Variants in STRAP observed in about 807,000 individuals in gnomAD.
The protein encoded by STRAP is serine-threonine kinase receptor-associated protein.
A neutral mutation model predicts 47.0 loss-of-function variants in STRAP; 16 were observed. That is an observed-to-expected ratio of 0.34 (90% CI 0.23 to 0.52). The LOEUF is 0.52. Ranked by LOEUF, STRAP falls within the 20% of genes least tolerant of loss-of-function variation. The probability of loss-of-function intolerance (pLI) is 0.96; values close to 1 mark genes in which losing one functional copy is unlikely to be tolerated. For missense variants in STRAP, 293 were observed against 420.0 expected (o/e 0.70, Z 2.64); for synonymous variants, 130 against 142.7 (o/e 0.91, Z 0.63).
At chr12:15,883,774 C>CA (rs1358510965) in intron 2 of STRAP, 98 bp downstream of exon 2, 12 of 1,464,646 alleles carry the variant, frequency 8.2e-6, no homozygotes, top group Non-Finnish European at 1.1e-5. Flanking sequence ...AATTCTGACT[C>CA]ACTGGCTGCC....
chr12:15,882,727 C>G lies in STRAP; in HGVS notation c.20C>G (p.Pro7Arg). ...GCCGCCATGGCAATGAGACAGACGCCGCTCACCTGCTCTGGCCACACGCGA... is the reference window on the plus strand; with the variant it reads ...GCCGCCATGGCAATGAGACAGACGCGGCTCACCTGCTCTGGCCACACGCGA... MAMRQT[P>R]LTCSGHTRPV... is the part of the protein sequence containing the mutation. Residue 7 changes from proline to arginine, a missense_variant, in exon 1 of 10, where the codon CCG becomes CGG. Transcript: ENST00000419869. 6.2e-7 allele frequency: 1 copy of G among 1,612,264 alleles called. No homozygotes were observed. The highest frequency in any genetic ancestry group is 8.5e-7 in the Non-Finnish European group (1 of 1,179,718).
rs902903501 is a variant in STRAP, at chr12:15,894,143, G to A, written c.500G>A (p.Arg167Gln). ...QILSADDKTV[R>Q]LWDHATMTEV... is the part of the protein sequence containing the mutation. ...CTTTCTGCTGATGACAAAACTGTTCGGTAAGTAATTTTTCTTTAATAATTT... is the reference window on the plus strand; with the variant it reads ...CTTTCTGCTGATGACAAAACTGTTCAGTAAGTAATTTTTCTTTAATAATTT... The change falls in exon 5 of 10, where the codon CGA (arginine) becomes CAA (glutamine). Residue 167 changes from arginine to glutamine, a missense_variant and splice_region_variant. Arg to Gln is a conservative substitution (Grantham distance 43, BLOSUM62 1). This residue lies in a region of STRAP where 152 missense variants were observed against 183.0 expected (regional missense o/e 0.83). Transcript: ENST00000419869. The surrounding 1 kb of genome is among the most constrained non-coding windows in gnomAD (Gnocchi z 4.9). The A allele has an allele frequency of 3.1e-6, 5 of 1,610,388 alleles. No homozygotes were observed. Among genetic ancestry groups the A allele is most frequent in the African/African-American group, 1.3e-5 (1 of 74,778 alleles).
chr12:15,883,786 T>G, intron 2 of STRAP, 110 bp downstream of exon 2: 2 of 1,387,272 alleles, frequency 1.4e-6, no homozygotes, highest in African/African-American at 1.4e-5. Flanking sequence ...CTGGCTGCCA[T>G]ACAGAACGCA....
Position 15,902,921 on chromosome 12 carries a change from A to C in STRAP, c.996A>C (p.Glu332Asp). The change falls in exon 10 of 10, where the codon GAA (glutamate) becomes GAC (aspartate). Residue 332 changes from glutamate to aspartate, a missense_variant. Physicochemically the swap from Glu to Asp is conservative, Grantham distance 45. This residue lies in a region of STRAP where 52 missense variants were observed against 45.0 expected (regional missense o/e 1.16). Coordinates refer to ENST00000419869, the MANE Select transcript of STRAP (RefSeq NM_007178.4). Reference protein sequence around the residue: ...FPETTEEELEEIASENSDCIF... With the variant: ...FPETTEEELEDIASENSDCIF... Reference sequence around the variant, plus strand: ...TTTTTTTTTTTTTACTTATAGAAGAAATTGCTTCAGAGAATTCAGATTGCA... The same window carrying C: ...TTTTTTTTTTTTTACTTATAGAAGACATTGCTTCAGAGAATTCAGATTGCA... The C allele has an allele frequency of 6.6e-7, 1 of 1,507,402 alleles. No individual in the cohort carries two copies. Among genetic ancestry groups the C allele is most frequent in the Non-Finnish European group, 8.8e-7 (1 of 1,139,216 alleles). 93.4% of individuals were successfully genotyped at this position (1,507,402 alleles called of 1,614,324 possible). A position where few individuals can be genotyped will look rare whatever the true frequency, so the allele number is the denominator to read the frequency against.
At chr12:15,892,015 A>G (rs1454661237) in intron 4 of STRAP, among the ~76,000 whole-genome samples, 1 of 152,168 alleles carries the variant, frequency 6.6e-6, no homozygotes, top group Non-Finnish European at 1.5e-5. Context: ...AAGTATGGGT[A>G]TATATGTATG....
chr12:15,888,128 G>T (rs1355149680), intron 2 of STRAP, among the ~76,000 whole-genome samples: 2 of 152,112 alleles, frequency 1.3e-5, no homozygotes, highest in Non-Finnish European at 2.9e-5. Context: ...AGAAAGGAAT[G>T]GTTAATTATT....
At chr12:15,883,002 G>A in intron 1 of STRAP, 183 bp downstream of exon 1, 1 of 1,483,204 alleles carries the variant, frequency 6.7e-7, no homozygotes, top group Non-Finnish European at 9.1e-7. Context: ...CGCAGCTGGA[G>A]CCGAGAGGAC....
chr12:15,897,878 T>G lies in STRAP; in HGVS notation c.639-4T>G, dbSNP rs372833344. ...TTGTAAATACTACTTAAATTTTTTT[T>G]CAGTTTGGACCCAATTAAATCCTTT... is the stretch of plus-strand genomic sequence containing the variant. On this transcript the variant is annotated splice_polypyrimidine_tract_variant and splice_region_variant and intron_variant, in intron 6 of 9. Coordinates refer to ENST00000419869, the MANE Select transcript of STRAP (RefSeq NM_007178.4). The G allele has an allele frequency of 1.4e-5, 21 of 1,504,814 alleles. No homozygotes were observed. Among genetic ancestry groups the G allele is most frequent in the Non-Finnish European group, 1.7e-5 (19 of 1,131,158 alleles). 93.2% of individuals were successfully genotyped at this position (1,504,814 alleles called of 1,614,324 possible).
rs545463445 is a variant in STRAP at position 15,885,411 on chromosome 12, A to T, written c.248+1735A>T. ...GCCATGTTGGCCAGGCCGGTCTCGA[A>T]CTCCTGACCTCAAGTGATCTGCCCG... On this transcript the variant is annotated intron_variant, in intron 2 of 9. Coordinates refer to ENST00000419869, the MANE Select transcript of STRAP (RefSeq NM_007178.4). 2.5e-4 allele frequency among the ~76,000 whole-genome samples: 38 copies of T among 151,110 alleles called. No homozygotes were observed. The East Asian group carries it at 6.8e-3, about 27-fold the overall frequency.
At chr12:15,885,762 C>T (rs1477800096) in intron 2 of STRAP, among the ~76,000 whole-genome samples, 2 of 152,002 alleles carry the variant, frequency 1.3e-5, no homozygotes, top group Non-Finnish European at 2.9e-5. Flanking sequence ...AATTGGTGGC[C>T]TCATGCACTT....
chr12:15,885,637 T>C (rs929262533), intron 2 of STRAP, among the ~76,000 whole-genome samples: 3 of 151,942 alleles, frequency 2.0e-5, no homozygotes, highest in Non-Finnish European at 2.9e-5. Flanking sequence ...CTGTATGCTC[T>C]TGTTTATTGA....
intron 2 of STRAP, among the ~76,000 whole-genome samples, chr12:15,886,529 C>G (rs919243983): frequency 6.6e-6 from 1 of 152,180 alleles, no homozygotes; most frequent in Non-Finnish European, 1.5e-5. Context: ...TCTTTCTCCA[C>G]CATATATCCC....
rs189696584 is a variant in STRAP at position 15,898,508 on chromosome 12, T to G, written c.775+490T>G. 2.0e-3 allele frequency among the ~76,000 whole-genome samples: 299 copies of G among 152,288 alleles called. 2 individuals carry two copies. The highest frequency in any genetic ancestry group is 7.0e-3 in the African/African-American group (293 of 41,562). On this transcript the variant is annotated intron_variant, in intron 7 of 9. Coordinates refer to ENST00000419869, the MANE Select transcript of STRAP (RefSeq NM_007178.4). ...GTATAGCATATTACAGGGATACCTTTAGGAATCTGAATTGGATAGTTATTT... is the reference window on the plus strand; with the variant it reads ...GTATAGCATATTACAGGGATACCTTGAGGAATCTGAATTGGATAGTTATTT...
chr12:15,884,563 T>C (rs1212676951), intron 2 of STRAP, among the ~76,000 whole-genome samples: 1 of 151,768 alleles, frequency 6.6e-6, no homozygotes, highest in Non-Finnish European at 1.5e-5. Context: ...TTTTACTACA[T>C]TTAAAAATAT....
At chr12:15,883,817 C>T in intron 2 of STRAP, 141 bp downstream of exon 2, 2 of 1,017,256 alleles carry the variant, frequency 2.0e-6, no homozygotes, top group Non-Finnish European at 2.8e-6. Flanking sequence ...CACCAAAATT[C>T]CATCGTGGTC....
intron 9 of STRAP, among the ~76,000 whole-genome samples, chr12:15,902,439 G>A (rs555436558): frequency 1.8e-4 from 28 of 152,160 alleles, no homozygotes; most frequent in Non-Finnish European, 3.5e-4. Context: ...TGATTTTGGG[G>A]GAGGTTGGGA....
intron 2 of STRAP, among the ~76,000 whole-genome samples, chr12:15,885,676 A>G (rs1947964918): frequency 6.6e-6 from 1 of 151,966 alleles, no homozygotes; most frequent in Admixed American, 6.6e-5. Flanking sequence ...CTTTCTTAAC[A>G]TTTCAAGTCT....
At position 15,894,098 on chromosome 12, in the gene STRAP, G is replaced by A. The variant is rs749808917; in HGVS notation, c.455G>A (p.Cys152Tyr). Residue 152 changes from cysteine to tyrosine, a missense_variant, in exon 5 of 10, where the codon TGC becomes TAC. Cys to Tyr is a radical substitution (Grantham distance 194). Coordinates refer to ENST00000419869, the MANE Select transcript of STRAP (RefSeq NM_007178.4). The surrounding 1 kb of genome is among the most constrained non-coding windows in gnomAD (Gnocchi z 4.9). The part of the protein sequence containing the change: ...HTSGIKKALW[C>Y]SEDKQILSAD... ...TCTGGTATAAAAAAAGCTCTGTGGTGCAGTGAGGATAAACAGATTCTTTCT... is the reference window on the plus strand; with the variant it reads ...TCTGGTATAAAAAAAGCTCTGTGGTACAGTGAGGATAAACAGATTCTTTCT... 1 of 1,613,786 alleles carries A rather than the reference G, an allele frequency of 6.2e-7. No individual in the cohort carries two copies. Among genetic ancestry groups the A allele is most frequent in the South Asian group, 1.1e-5 (1 of 91,058 alleles).
At chr12:15,898,897 A>G (rs963233044) in intron 7 of STRAP, among the ~76,000 whole-genome samples, 4 of 152,356 alleles carry the variant, frequency 2.6e-5, no homozygotes, top group African/African-American at 9.6e-5. Context: ...CTTGGGGAAC[A>G]TTGATGCATC....
Sources: gnomAD v4.1 joint callset for allele counts (sites outside exome capture counted in the v4.1 genomes callset) on GRCh38, gnomAD v4.1.1 for gene constraint, gnomAD v4.1.1 regional missense constraint, Gnocchi (gnomAD v3.1) non-coding constraint, MANE v1.5 for transcripts, NCBI Gene and HGNC (gene_info 2026-07-23, HGNC 2026-07-21) for gene names.